RNGTT: variants seen among roughly 807,000 people sequenced by gnomAD.
RNGTT encodes the protein RNA guanylyltransferase and 5'-phosphatase.
RNGTT carries 33 observed loss-of-function variants against 79.3 expected under a neutral mutation model. The ratio of observed to expected loss-of-function variants is 0.42; its 90% CI spans 0.32 to 0.56. The LOEUF (loss-of-function observed/expected upper bound fraction) is 0.56. Among genes scored for constraint, RNGTT ranks in the 20% least tolerant of loss-of-function variants. The probability of loss-of-function intolerance (pLI) is 0.17; values close to 1 mark genes in which losing one functional copy is unlikely to be tolerated. For synonymous variants in RNGTT, 222 were observed against 235.9 expected, an observed-to-expected ratio of 0.94 and a Z score of 0.54; for missense variants, 497 against 739.1, an observed-to-expected ratio of 0.67 and a Z score of 3.80.
chr6:88,857,517 T>C (rs1781879828), intron 8 of RNGTT, among the ~76,000 whole-genome samples: 1 of 152,196 alleles, frequency 6.6e-6, no homozygotes, highest in Non-Finnish European at 1.5e-5. Flanking sequence ...AAGTTCATCA[T>C]AATATTTTAT....
chr6:88,760,126 G>T (rs1313263313), intron 13 of RNGTT, among the ~76,000 whole-genome samples: 2 of 152,140 alleles, frequency 1.3e-5, no homozygotes, highest in Non-Finnish European at 2.9e-5. Context: ...AAATTAACAA[G>T]TAAAAATAAG....
At chr6:88,715,663 A>T (rs187669199) in intron 13 of RNGTT, among the ~76,000 whole-genome samples, 2 of 152,216 alleles carry the variant, frequency 1.3e-5, no homozygotes, top group South Asian at 2.1e-4. Context: ...ATAATGCCGC[A>T]TATCTACAAC....
intron 8 of RNGTT, among the ~76,000 whole-genome samples, chr6:88,888,551 A>G (rs1183366721): frequency 1.3e-5 from 2 of 152,330 alleles, no homozygotes; most frequent in East Asian, 3.9e-4. Flanking sequence ...CTTTCTTTGT[A>G]TAACTGCTGC....
chr6:88,718,281 G>C (rs892829016), intron 13 of RNGTT, among the ~76,000 whole-genome samples: 4 of 151,926 alleles, frequency 2.6e-5, no homozygotes, highest in Non-Finnish European at 5.9e-5. Context: ...TAGCTACTTA[G>C]GAGGCTGAGG....
intron 12 of RNGTT, among the ~76,000 whole-genome samples, chr6:88,772,275 TAA>T (rs1009695026): frequency 2.1e-5 from 3 of 143,286 alleles, no homozygotes; most frequent in Non-Finnish European, 3.1e-5. Flanking sequence ...CTGATTTCTT[TAA>T]AAAAAAAAAA....
At chr6:88,708,177 G>A (rs1047229686) in intron 13 of RNGTT, among the ~76,000 whole-genome samples, 2 of 152,106 alleles carry the variant, frequency 1.3e-5, no homozygotes, top group Non-Finnish European at 2.9e-5. Context: ...AGGTTCCAGA[G>A]AGGGAAGGGC....
At chr6:88,699,101 A>G (rs769215993) in intron 13 of RNGTT, among the ~76,000 whole-genome samples, 3 of 152,174 alleles carry the variant, frequency 2.0e-5, no homozygotes, top group East Asian at 1.9e-4. Context: ...CAGAGATCTA[A>G]TAATAATAAT....
chr6:88,616,393 T>C (rs987445361), intron 14 of RNGTT, among the ~76,000 whole-genome samples: 2 of 152,210 alleles, frequency 1.3e-5, no homozygotes, highest in Non-Finnish European at 2.9e-5. Flanking sequence ...TGGATCATAA[T>C]TTTATTTTTA....
intron 14 of RNGTT, among the ~76,000 whole-genome samples, chr6:88,641,759 CT>C (rs1773328796): frequency 6.6e-6 from 1 of 152,158 alleles, no homozygotes. Flanking sequence ...AGGCAGCAGA[CT>C]CATTGAAGAA....
chr6:88,924,134 C>T (rs1170052150), intron 4 of RNGTT, among the ~76,000 whole-genome samples: 1 of 152,210 alleles, frequency 6.6e-6, no homozygotes, highest in Non-Finnish European at 1.5e-5. Flanking sequence ...GGCTGGTCCC[C>T]CAACATGCCA....
intron 11 of RNGTT, among the ~76,000 whole-genome samples, chr6:88,825,620 T>G (rs1780631969): frequency 6.6e-6 from 1 of 152,220 alleles, no homozygotes; most frequent in Non-Finnish European, 1.5e-5. Flanking sequence ...TTTGAATACA[T>G]GTAAACCTTG....
At chr6:88,906,622 T>C (rs1783662126) in intron 4 of RNGTT, among the ~76,000 whole-genome samples, 182 bp from the exon 5 acceptor site, 1 of 152,204 alleles carries the variant, frequency 6.6e-6, no homozygotes, top group East Asian at 1.9e-4. Flanking sequence ...GCTTAGAATC[T>C]AATTTATAAC....
rs561304104 is a variant in RNGTT, at chr6:88,706,975, A to T, written c.1440-28556T>A. Among the ~76,000 whole-genome samples, 4 of 152,300 alleles carry T rather than the reference A, an allele frequency of 2.6e-5. No individual in the cohort carries two copies. In the South Asian group the frequency reaches 6.2e-4, roughly 24 times the overall value. ...GTTGTTAATATGACTACACAAAGAG[A>T]AGTCAATTCCTTTAAAGAGGAAGAA... is the stretch of plus-strand genomic sequence containing the variant. On this transcript the variant is annotated intron_variant, in intron 13 of 15. Coordinates refer to ENST00000369485, the MANE Select transcript of RNGTT (RefSeq NM_003800.5).
At chr6:88,805,780 G>C (rs370437746) in intron 11 of RNGTT, among the ~76,000 whole-genome samples, 66 of 152,232 alleles carry the variant, frequency 4.3e-4, no homozygotes, top group African/African-American at 1.5e-3. Context: ...TTTACATATG[G>C]GGAAAAGTAC....
intron 8 of RNGTT, among the ~76,000 whole-genome samples, chr6:88,859,241 C>T (rs1045423999): frequency 1.3e-5 from 2 of 151,044 alleles, no homozygotes; most frequent in East Asian, 3.9e-4. Context: ...CAAAAAACTA[C>T]TTGTATGAGA....
At chr6:88,885,543 A>T (rs941364940) in intron 8 of RNGTT, among the ~76,000 whole-genome samples, 4 of 152,230 alleles carry the variant, frequency 2.6e-5, no homozygotes, top group Non-Finnish European at 5.9e-5. Flanking sequence ...GCTGAATTCC[A>T]CTATTCCACT....
intron 8 of RNGTT, among the ~76,000 whole-genome samples, chr6:88,870,651 T>A (rs544561410): frequency 4.7e-4 from 72 of 152,256 alleles, no homozygotes; most frequent in African/African-American, 1.3e-3. Context: ...CTACATTGTT[T>A]TTACCAAAAA....
chr6:88,704,846 C>T lies in RNGTT; in HGVS notation c.1440-26427G>A, dbSNP rs569114656. The stretch of plus-strand genomic sequence containing the variant: ...ATTCATCTTGGCTCTTTCCCATCTT[C>T]ACCCTCTTTGAGTCATCCATTAATT... On this transcript the variant is annotated intron_variant, in intron 13 of 15. Transcript: ENST00000369485. Among the ~76,000 whole-genome samples the T allele has an allele frequency of 2.0e-5, 3 of 149,476 alleles. No homozygotes were observed. In the South Asian group the frequency reaches 6.6e-4, roughly 33 times the overall value.
chr6:88,703,432 G>A (rs1776011106), intron 13 of RNGTT, among the ~76,000 whole-genome samples: 1 of 152,196 alleles, frequency 6.6e-6, no homozygotes, highest in Non-Finnish European at 1.5e-5. Context: ...ATTGTCCTAT[G>A]AGAATTAACG....
Sources: gnomAD v4.1 joint callset for allele counts (sites outside exome capture counted in the v4.1 genomes callset) on GRCh38, gnomAD v4.1.1 for gene constraint, MANE v1.5 for transcripts, NCBI Gene and HGNC (gene_info 2026-07-23, HGNC 2026-07-21) for gene names.